The following AUTS2 variants were observed in gnomAD, a reference collection of about 807,000 sequenced individuals.
AUTS2 encodes the protein autism susceptibility gene 2 protein.
Under a neutral mutation model 112.4 loss-of-function variants are expected in AUTS2, and 17 were observed. That is an observed-to-expected ratio of 0.15 (90% confidence interval 0.10 to 0.23). The LOEUF (loss-of-function observed/expected upper bound fraction) is 0.23. AUTS2 is among the 10% of genes least tolerant of loss of function. AUTS2 has a pLI of 1.00. For missense variants in AUTS2, 1,510 were observed against 1,701.6 expected (o/e 0.89, Z 1.98); for synonymous variants, 751 against 702.7 (o/e 1.07, Z -1.09).
chr7:70,750,045 G>T (rs1788703073), intron 6 of AUTS2, among the ~76,000 whole-genome samples: 1 of 152,174 alleles, frequency 6.6e-6, no homozygotes, highest in Non-Finnish European at 1.5e-5. Context: ...ATTGGCAAAA[G>T]ATGAGCTTAG....
chr7:70,408,337 CACATTAGGATG>C (rs1181415141), intron 4 of AUTS2, among the ~76,000 whole-genome samples: 1 of 152,106 alleles, frequency 6.6e-6, no homozygotes, highest in Admixed American at 6.5e-5. Flanking sequence ...CAGTGAGAAT[CACATTAGGATG>C]AGAGGAAACT....
intron 2 of AUTS2, among the ~76,000 whole-genome samples, chr7:69,907,159 AAT>A (rs1040612264): frequency 2.0e-5 from 3 of 152,170 alleles, no homozygotes; most frequent in Non-Finnish European, 4.4e-5. Context: ...AACCTAGGGG[AAT>A]GCTTGGCAAT....
intron 2 of AUTS2, among the ~76,000 whole-genome samples, chr7:69,963,354 C>T (rs1222732685): frequency 8.5e-5 from 13 of 152,182 alleles, no homozygotes. Flanking sequence ...TTGCAGCTAC[C>T]AAACCATAGA....
intron 5 of AUTS2, among the ~76,000 whole-genome samples, chr7:70,505,136 A>C: frequency 6.6e-6 from 1 of 152,088 alleles, no homozygotes; most frequent in East Asian, 1.9e-4. Flanking sequence ...GCCTCCATCC[A>C]CTCAGCGCTC....
At chr7:69,939,690 TGTATAATC>T (rs1242216890) in intron 2 of AUTS2, among the ~76,000 whole-genome samples, 1 of 152,210 alleles carries the variant, frequency 6.6e-6, no homozygotes, top group Non-Finnish European at 1.5e-5. Context: ...AAGAGAAACT[TGTATAATC>T]GTGGTTCCTA....
chr7:70,746,092 C>T lies in AUTS2; in HGVS notation c.743-16778C>T, dbSNP rs185478458. Among the ~76,000 whole-genome samples the T allele has an allele frequency of 2.6e-5, 4 of 152,320 alleles. No individual in the cohort carries two copies. The East Asian group carries it at 5.8e-4, about 22-fold the overall frequency. The stretch of plus-strand genomic sequence containing the variant: ...AGTAAAGGCAAAGATTGAAAGAAAT[C>T]ATTCCTCAAAAAAGTTGTGTGTATT... On this transcript the variant is annotated intron_variant, in intron 6 of 18. Transcript: ENST00000342771.
chr7:69,884,265 A>G (rs1794180709), intron 1 of AUTS2, among the ~76,000 whole-genome samples: 1 of 152,236 alleles, frequency 6.6e-6, no homozygotes, highest in Non-Finnish European at 1.5e-5. Context: ...CAGCTTCTTA[A>G]AAAATGAGAG....
intron 6 of AUTS2, among the ~76,000 whole-genome samples, chr7:70,730,892 C>T (rs1476847649): frequency 3.3e-5 from 5 of 152,224 alleles, no homozygotes; most frequent in Non-Finnish European, 5.9e-5. Flanking sequence ...GTTCCAGTTT[C>T]TCCATATACT....
At chr7:70,576,699 A>G (rs916447008) in intron 5 of AUTS2, among the ~76,000 whole-genome samples, 11 of 152,228 alleles carry the variant, frequency 7.2e-5, no homozygotes, top group Admixed American at 5.2e-4. Flanking sequence ...AAAAATAGGA[A>G]TAAGTGCAGT....
chr7:70,781,580 G>T (rs1791083478), intron 14 of AUTS2, 35 bp from the exon 15 acceptor site: 1 of 1,611,380 alleles, frequency 6.2e-7, no homozygotes, highest in African/African-American at 1.3e-5. Context: ...CTTGCTGTTG[G>T]CCTTGGGACC....
intron 5 of AUTS2, among the ~76,000 whole-genome samples, chr7:70,515,373 G>A (rs1359723977): frequency 2.0e-5 from 3 of 147,580 alleles, no homozygotes; most frequent in Non-Finnish European, 2.9e-5. Flanking sequence ...ACTCCTAGGA[G>A]GATTTCCAAG....
At chr7:70,583,711 C>T (rs1802560049) in intron 5 of AUTS2, among the ~76,000 whole-genome samples, 1 of 152,226 alleles carries the variant, frequency 6.6e-6, no homozygotes, top group Non-Finnish European at 1.5e-5. Flanking sequence ...CTGAAACCCG[C>T]ACCGCACGGC....
rs1401664246 is a variant in AUTS2, at chr7:70,790,189, C to T, written c.2973C>T (p.Asp991=). 3 of 1,612,612 alleles carry T rather than the reference C, an allele frequency of 1.9e-6. No individual in the cohort carries two copies. The highest frequency in any genetic ancestry group is 2.5e-6 in the Non-Finnish European group (3 of 1,179,786). ...KVKEERKEDH[D]LPPEAPQTHR... The stretch of plus-strand genomic sequence containing the variant: ...AGGAGGAGCGGAAGGAAGACCATGA[C>T]CTGCCTCCAGAGGCCCCGCAGACCC... Residue 991 remains aspartate (D), a synonymous_variant, in exon 19 of 19, where the codon GAC becomes GAT. Transcript: ENST00000342771. The surrounding 1 kb of genome is among the most constrained non-coding windows in gnomAD (Gnocchi z 7.6).
chr7:70,513,414 T>G (rs1392147131), intron 5 of AUTS2, among the ~76,000 whole-genome samples: 2 of 152,208 alleles, frequency 1.3e-5, no homozygotes, highest in Non-Finnish European at 2.9e-5. Context: ...CAAAAGCCTG[T>G]GTACGATCAA....
intron 4 of AUTS2, among the ~76,000 whole-genome samples, chr7:70,212,379 A>C (rs1262999368): frequency 6.6e-6 from 1 of 151,832 alleles, no homozygotes; most frequent in East Asian, 1.9e-4. Flanking sequence ...GTTGGGACTC[A>C]TCCCTCTGTC....
At chr7:70,500,172 CAAA>C (rs140217403) in intron 5 of AUTS2, among the ~76,000 whole-genome samples, 1 of 106,838 alleles carries the variant, frequency 9.4e-6, no homozygotes, top group African/African-American at 3.3e-5. Flanking sequence ...TGGTGGTCTT[CAAA>C]AAAAAAAAAA....
chr7:70,644,526 C>T (rs1030558139), intron 5 of AUTS2, among the ~76,000 whole-genome samples: 3 of 152,164 alleles, frequency 2.0e-5, no homozygotes, highest in East Asian at 1.9e-4. Flanking sequence ...CACATCGTCT[C>T]GCACCCAGAC....
At chr7:70,616,616 A>G (rs1320843558) in intron 5 of AUTS2, among the ~76,000 whole-genome samples, 1 of 152,200 alleles carries the variant, frequency 6.6e-6, no homozygotes, top group East Asian at 1.9e-4. Context: ...TCTGCACACC[A>G]TATGTGGTCA....
At chr7:70,561,430 G>A (rs923564050) in intron 5 of AUTS2, among the ~76,000 whole-genome samples, 1 of 152,186 alleles carries the variant, frequency 6.6e-6, no homozygotes, top group African/African-American at 2.4e-5. Context: ...CTTGAGGCCA[G>A]TCTGGGCAGC....
Sources: allele counts gnomAD v4.1 joint callset (sites outside exome capture counted in the v4.1 genomes callset), GRCh38; gene constraint gnomAD v4.1.1; non-coding constraint Gnocchi (gnomAD v3.1); transcripts MANE v1.5; gene names NCBI Gene and HGNC (gene_info 2026-07-23, HGNC 2026-07-21).